Variants in ROR1 observed in about 807,000 individuals in gnomAD.
ROR1 encodes ROR family WNT receptor 1.
A neutral mutation model predicts 78.8 loss-of-function variants in ROR1; 19 were observed. The ratio of observed to expected loss-of-function variants is 0.24; its 90% CI spans 0.17 to 0.35. The LOEUF (loss-of-function observed/expected upper bound fraction) is 0.35. Ranked by LOEUF, ROR1 falls within the 10% of genes least tolerant of loss-of-function variation. The probability of loss-of-function intolerance (pLI) is 1.00; values close to 1 mark genes in which losing one functional copy is unlikely to be tolerated. For missense variants in ROR1, 917 were observed against 1,177.8 expected (o/e 0.78, Z 3.24); for synonymous variants, 386 against 433.6 (o/e 0.89, Z 1.36).
chr1:63,916,377 T>G (rs1645609789), intron 1 of ROR1, among the ~76,000 whole-genome samples: 1 of 151,452 alleles, frequency 6.6e-6, no homozygotes, highest in African/African-American at 2.4e-5. Flanking sequence ...GTTAAGGGAG[T>G]GGTAGGGATT....
At chr1:63,900,748 G>C (rs1293549079) in intron 1 of ROR1, among the ~76,000 whole-genome samples, 1 of 151,766 alleles carries the variant, frequency 6.6e-6, no homozygotes, top group African/African-American at 2.4e-5. Context: ...TTTTCTATTC[G>C]TATGCATTAT....
intron 2 of ROR1, among the ~76,000 whole-genome samples, chr1:64,033,710 C>T (rs185455180): frequency 6.6e-6 from 1 of 152,184 alleles, no homozygotes; most frequent in Admixed American, 6.5e-5. Flanking sequence ...TTCTAAGTAC[C>T]TTAAGAACAC....
intron 1 of ROR1, among the ~76,000 whole-genome samples, chr1:63,898,852 T>C (rs937885421): frequency 1.2e-4 from 18 of 152,030 alleles, no homozygotes; most frequent in African/African-American, 4.1e-4. Flanking sequence ...GGCTTCTGCT[T>C]TTCTTGGTCC....
At chr1:63,927,623 C>G (rs1198964147) in intron 1 of ROR1, among the ~76,000 whole-genome samples, 1 of 151,366 alleles carries the variant, frequency 6.6e-6, no homozygotes, top group Non-Finnish European at 1.5e-5. Flanking sequence ...TGTTGATATC[C>G]TCATTTTAGA....
chr1:63,825,681 A>G (rs933587039), intron 1 of ROR1, among the ~76,000 whole-genome samples: 1 of 152,260 alleles, frequency 6.6e-6, no homozygotes, highest in Admixed American at 6.5e-5. Context: ...ACCTAAATAT[A>G]ACTGGTAAAA....
intron 1 of ROR1, among the ~76,000 whole-genome samples, chr1:63,868,912 A>G (rs886514794): frequency 6.6e-6 from 1 of 152,178 alleles, no homozygotes; most frequent in African/African-American, 2.4e-5. Context: ...CATCATTTTT[A>G]TTTGCAGTAT....
At chr1:63,829,994 G>A (rs554202403) in intron 1 of ROR1, among the ~76,000 whole-genome samples, 10 of 150,886 alleles carry the variant, frequency 6.6e-5, no homozygotes, top group Non-Finnish European at 1.3e-4. Flanking sequence ...TCTGACTGGT[G>A]AATATCATAG....
intron 4 of ROR1, among the ~76,000 whole-genome samples, chr1:64,092,434 A>T (rs1647207156): frequency 6.6e-6 from 1 of 152,020 alleles, no homozygotes; most frequent in Non-Finnish European, 1.5e-5. Context: ...GTCATCTGTA[A>T]ATAGGGAAGG....
At chr1:64,086,245 C>G (rs1487610996) in intron 4 of ROR1, among the ~76,000 whole-genome samples, 1 of 152,202 alleles carries the variant, frequency 6.6e-6, no homozygotes, top group Admixed American at 6.5e-5. Context: ...ACAGACAAAG[C>G]AACTGAGGTT....
intron 1 of ROR1, among the ~76,000 whole-genome samples, chr1:63,941,297 A>G (rs1201617329): frequency 6.6e-6 from 1 of 152,216 alleles, no homozygotes; most frequent in Non-Finnish European, 1.5e-5. Context: ...TGGTATATGC[A>G]ACTTATTCAT....
Position 64,179,078 on chromosome 1 carries a change from T to C in ROR1, c.*223T>C. ...AACAAAAACATTGTGGGATGTGCAC[T>C]CCATTGGAGTGCATGACATGGCATT... On this transcript the variant is annotated 3_prime_UTR_variant, in exon 9 of 9. Coordinates refer to ENST00000371079, the MANE Select transcript of ROR1 (RefSeq NM_005012.4). The C allele has an allele frequency of 2.2e-6, 1 of 450,342 alleles. No homozygotes were observed. The highest frequency in any genetic ancestry group is 4.1e-5 in the Admixed American group (1 of 24,142). 27.9% of individuals were successfully genotyped at this position (450,342 alleles called of 1,614,324 possible).
chr1:64,000,945 A>G lies in ROR1; in HGVS notation c.92-8360A>G, dbSNP rs368398014. 1.8e-4 allele frequency among the ~76,000 whole-genome samples: 27 copies of G among 152,308 alleles called. No homozygotes were observed. In the South Asian group the frequency reaches 5.2e-3, roughly 29 times the overall value. ...TTTAAAATATTAAACACATTTCCCA[A>G]TGTATTTGCTTATTATTGCTTCTTA... On this transcript the variant is annotated intron_variant, in intron 1 of 8. Coordinates refer to ENST00000371079, the MANE Select transcript of ROR1 (RefSeq NM_005012.4).
At chr1:63,797,157 T>A (rs141657758) in intron 1 of ROR1, among the ~76,000 whole-genome samples, 22 of 152,340 alleles carry the variant, frequency 1.4e-4, no homozygotes, top group African/African-American at 5.1e-4. Flanking sequence ...TGACAATAAC[T>A]AACACATGCC....
intron 1 of ROR1, among the ~76,000 whole-genome samples, chr1:63,825,249 A>G (rs1644946481): frequency 1.3e-5 from 2 of 152,240 alleles, no homozygotes; most frequent in Non-Finnish European, 2.9e-5. Flanking sequence ...AGCATTATTT[A>G]TAATAGCCAA....
intron 4 of ROR1, among the ~76,000 whole-genome samples, chr1:64,119,011 C>G (rs1022516966): frequency 1.3e-5 from 2 of 152,244 alleles, no homozygotes; most frequent in Admixed American, 6.5e-5. Context: ...CAGGTCATCT[C>G]TGGCTGGCGT....
intron 1 of ROR1, among the ~76,000 whole-genome samples, chr1:63,957,133 T>C (rs1056875790): frequency 6.6e-6 from 1 of 152,186 alleles, no homozygotes; most frequent in African/African-American, 2.4e-5. Context: ...AGAGATTATA[T>C]GCAATGACAA....
chr1:64,148,539 A>G (rs1343021156), intron 7 of ROR1, among the ~76,000 whole-genome samples: 1 of 152,196 alleles, frequency 6.6e-6, no homozygotes, highest in Non-Finnish European at 1.5e-5. Flanking sequence ...TTTCCTACTG[A>G]TAACTTTTGT....
chr1:63,988,632 C>T (rs285354), intron 1 of ROR1, among the ~76,000 whole-genome samples: 114,348 of 152,100 alleles, frequency 0.75, 43,967 homozygotes, highest in East Asian at 0.94. Flanking sequence ...AACACTAACT[C>T]TCGATTCCAC....
intron 1 of ROR1, among the ~76,000 whole-genome samples, chr1:63,955,625 C>G (rs1645974941): frequency 6.6e-6 from 1 of 152,080 alleles, no homozygotes; most frequent in Non-Finnish European, 1.5e-5. Context: ...TCTTATTCTT[C>G]TTCTTTTGAA....
Sources: gnomAD v4.1 joint callset for allele counts (sites outside exome capture counted in the v4.1 genomes callset) on GRCh38, gnomAD v4.1.1 for gene constraint, MANE v1.5 for transcripts, NCBI Gene and HGNC (gene_info 2026-07-23, HGNC 2026-07-21) for gene names.